The following OR4E2 variants were observed in gnomAD, a reference collection of about 807,000 sequenced individuals.
The protein encoded by OR4E2 is olfactory receptor 4E2.
Under a neutral mutation model 11.0 loss-of-function variants are expected in OR4E2, and 9 were observed. The ratio of observed to expected loss-of-function variants is 0.82; its 90% confidence interval spans 0.49 to 1.43. OR4E2 has a LOEUF of 1.43. OR4E2 is among the 40% of genes most tolerant of loss of function. OR4E2 has a pLI of 0.00. For synonymous variants in OR4E2, 159 were observed against 147.3 expected (o/e 1.08, Z -0.57); for missense variants, 441 against 382.0 (o/e 1.15, Z -1.29).
rs145243575 is a variant in OR4E2 at position 21,655,889 on chromosome 14, C to G, written c.-190-613C>G. Among the ~76,000 whole-genome samples, 84 of 152,004 alleles carry G rather than the reference C, an allele frequency of 5.5e-4. 1 individual carries two copies. The highest frequency in any genetic ancestry group is 1.8e-3 in the African/African-American group (76 of 41,422). ...TAATGGCAAGTAGACGTAGTTCTGT[C>G]TTAGTTGGCCTGACAAAAGTCAAAG... On this transcript the variant is annotated intron_variant, in intron 1 of 3. Coordinates refer to ENST00000641524, the MANE Select transcript of OR4E2 (RefSeq NM_001001912.3).
rs749057398 is a variant in OR4E2, at chr14:21,665,645, C to T, written c.563C>T (p.Ala188Val). ...FCDVPLVIKL[A>V]CTDTYLTGIL... ...GATGTGCCTCTTGTTATCAAGCTGGCCTGCACAGATACATACCTCACAGGA... is the reference window on the plus strand; with the variant it reads ...GATGTGCCTCTTGTTATCAAGCTGGTCTGCACAGATACATACCTCACAGGA... The change falls in exon 4 of 4, where the codon GCC (alanine) becomes GTC (valine). Residue 188 changes from alanine (A) to valine (V), a missense_variant. Coordinates refer to ENST00000641524, the MANE Select transcript of OR4E2 (RefSeq NM_001001912.3). 109 of 1,613,978 alleles carry T rather than the reference C, an allele frequency of 6.8e-5. No individual in the cohort carries two copies. Among genetic ancestry groups the T allele is most frequent in the Non-Finnish European group, 8.4e-5 (99 of 1,180,016 alleles).
intron 3 of OR4E2, among the ~76,000 whole-genome samples, 183 bp from the exon 4 acceptor site, chr14:21,664,892 G>C (rs1880541761): frequency 1.3e-5 from 2 of 152,300 alleles, no homozygotes; most frequent in African/African-American, 4.8e-5. Flanking sequence ...TGTTTAAATA[G>C]AAGTGCCTGG....
In OR4E2 at chr14:21,665,506, A is replaced by G. The variant is rs756429094; in HGVS notation, c.424A>G (p.Ile142Val). 1.9e-6 allele frequency: 3 copies of G among 1,614,056 alleles called. No individual in the cohort carries two copies. The highest frequency in any genetic ancestry group is 2.2e-5 in the South Asian group (2 of 91,078). Residue 142 changes from isoleucine (I) to valine (V), a missense_variant, in exon 4 of 4, where the codon ATA becomes GTA. Transcript: ENST00000641524. ...YPNVMNMRVC[I>V]QLVFALWLGG... is the part of the protein sequence containing the mutation. ...CAATGTGATGAACATGAGAGTCTGT[A>G]TACAGCTTGTCTTTGCTCTCTGGTT...
rs745789927 is a variant in OR4E2, at chr14:21,666,131, T to C, written c.*107T>C. 8.1e-6 allele frequency: 6 copies of C among 744,640 alleles called. 1 individual carries two copies. In the African/African-American group the frequency reaches 8.9e-5, roughly 11 times the overall value. The allele number at this position is 744,640 out of a possible 1,614,324, so 46.1% of individuals were successfully genotyped here. A position where few individuals can be genotyped will look rare whatever the true frequency, so the allele number is the denominator to read the frequency against. On this transcript the variant is annotated 3_prime_UTR_variant, in exon 4 of 4. Coordinates refer to ENST00000641524, the MANE Select transcript of OR4E2 (RefSeq NM_001001912.3). ...ACTTGGTAAATTAGGTAAAATGGCATAGAGCAGGTCAGATTTCTGCTCATT... is the reference window on the plus strand; with the variant it reads ...ACTTGGTAAATTAGGTAAAATGGCACAGAGCAGGTCAGATTTCTGCTCATT...
In OR4E2 at chr14:21,665,203, G is replaced by C; in HGVS notation, c.121G>C (p.Gly41Arg). ...AGCCATTTATATGCTAACGCTTTCG[G>C]GGAACATTCTCATCATCATTGCCAC... ...FSAIYMLTLS[G>R]NILIIIATVF... Residue 41 changes from glycine to arginine, a missense_variant, in exon 4 of 4, where the codon GGG becomes CGG. Physicochemically the swap from Gly to Arg is moderately radical, Grantham distance 125 (BLOSUM62 -2). Coordinates refer to ENST00000641524, the MANE Select transcript of OR4E2 (RefSeq NM_001001912.3). 1.9e-6 allele frequency: 3 copies of C among 1,613,904 alleles called. No individual in the cohort carries two copies. The highest frequency in any genetic ancestry group is 2.5e-6 in the Non-Finnish European group (3 of 1,179,896).
chr14:21,664,629 C>G (rs1880526141), intron 3 of OR4E2, among the ~76,000 whole-genome samples: 1 of 152,190 alleles, frequency 6.6e-6, no homozygotes, highest in South Asian at 2.1e-4. Flanking sequence ...AAAGGACACT[C>G]ACATTGAAAA....
chr14:21,656,375 CAT>C (rs768222511), intron 1 of OR4E2, 125 bp from the exon 2 acceptor site: 3 of 126,592 alleles, frequency 2.4e-5, no homozygotes, highest in Admixed American at 7.5e-5. Context: ...CACTCACACA[CAT>C]GTACACATAC....
In OR4E2 at chr14:21,667,401, T is replaced by C. The variant is rs755901030; in HGVS notation, c.*1377T>C. The C allele has an allele frequency of 6.6e-6, 1 of 152,170 alleles. No homozygotes were observed. The highest frequency in any genetic ancestry group is 1.5e-5 in the Non-Finnish European group (1 of 68,008). The allele number at this position is 152,170 out of a possible 1,614,324, so 9.4% of individuals were successfully genotyped here. A position where few individuals can be genotyped will look rare whatever the true frequency, so the allele number is the denominator to read the frequency against. On this transcript the variant is annotated 3_prime_UTR_variant, in exon 4 of 4. Coordinates refer to ENST00000641524, the MANE Select transcript of OR4E2 (RefSeq NM_001001912.3). The stretch of plus-strand genomic sequence containing the variant: ...ACTCTAACTAAAGAGTAATACATGA[T>C]TACCTTTTAGTAATCAAAAGGACAA...
chr14:21,661,215 C>G (rs1016566954), intron 3 of OR4E2, among the ~76,000 whole-genome samples: 1 of 151,986 alleles, frequency 6.6e-6, no homozygotes, highest in African/African-American at 2.4e-5. Flanking sequence ...GATGTGTGTT[C>G]GTCAACAACT....
Position 21,665,325 on chromosome 14 carries a change from G to T in OR4E2, c.243G>T (p.Met81Ile). The T allele has an allele frequency of 6.2e-7, 1 of 1,614,156 alleles. No individual in the cohort carries two copies. Among genetic ancestry groups the T allele is most frequent in the Non-Finnish European group, 8.5e-7 (1 of 1,180,024 alleles). The change falls in exon 4 of 4, where the codon ATG becomes ATT. Residue 81 changes from methionine (M) to isoleucine (I), a missense_variant. Transcript: ENST00000641524. ...ACTCATCTGTCACTGTGCCTAAGATGTTGGAGGGTTTGCTTTTAGAAAGAA... is the reference window on the plus strand; with the variant it reads ...ACTCATCTGTCACTGTGCCTAAGATTTTGGAGGGTTTGCTTTTAGAAAGAA... ...ICHSSVTVPK[M>I]LEGLLLERKT...
rs1433452617 is a variant in OR4E2 at position 21,667,244 on chromosome 14, CT to C, written c.*1223del. 1 of 152,204 alleles carries C rather than the reference CT, an allele frequency of 6.6e-6. No individual in the cohort carries two copies. The highest frequency in any genetic ancestry group is 2.4e-5 in the African/African-American group (1 of 41,520). 9.4% of individuals were successfully genotyped at this position (152,204 alleles called of 1,614,324 possible). ...AAAAAAATTTATAATTGATTGGGGT[CT>C]TTGTCACTATTTTCCACATGGTCTG... is the stretch of plus-strand genomic sequence containing the variant. On this transcript the variant is annotated 3_prime_UTR_variant, in exon 4 of 4. Coordinates refer to ENST00000641524, the MANE Select transcript of OR4E2 (RefSeq NM_001001912.3).
At chr14:21,662,379 C>T (rs189059051) in intron 3 of OR4E2, among the ~76,000 whole-genome samples, 1 of 152,258 alleles carries the variant, frequency 6.6e-6, no homozygotes, top group Non-Finnish European at 1.5e-5. Context: ...TCACTGCAGC[C>T]TCTGCCTCCC....
chr14:21,666,026 G>A lies in OR4E2; in HGVS notation c.*2G>A, dbSNP rs751426138. ...TTTTTCACGAAATCATATACATAAT[G>A]GGCACTGGGATTGCAGACATAATTG... On this transcript the variant is annotated 3_prime_UTR_variant, in exon 4 of 4. Coordinates refer to ENST00000641524, the MANE Select transcript of OR4E2 (RefSeq NM_001001912.3). The A allele has an allele frequency of 6.2e-7, 1 of 1,604,744 alleles. No homozygotes were observed. The highest frequency in any genetic ancestry group is 1.1e-5 in the South Asian group (1 of 90,022).
chr14:21,655,410 A>G (rs1354941837), intron 1 of OR4E2, among the ~76,000 whole-genome samples: 1 of 152,222 alleles, frequency 6.6e-6, no homozygotes, highest in East Asian at 1.9e-4. Flanking sequence ...CCAGCCTATA[A>G]TCCTGGCTAC....
intron 3 of OR4E2, among the ~76,000 whole-genome samples, chr14:21,663,519 A>G (rs1880455342): frequency 6.6e-6 from 1 of 152,062 alleles, no homozygotes; most frequent in Non-Finnish European, 1.5e-5. Flanking sequence ...GAGAGCAAAA[A>G]TGAACATCTT....
Position 21,666,253 on chromosome 14 carries a change from A to T in OR4E2, c.*229A>T, listed in dbSNP as rs188196386. The T allele has an allele frequency of 2.8e-5, 12 of 426,146 alleles. No individual in the cohort carries two copies. In the East Asian group the frequency reaches 3.4e-4, roughly 12 times the overall value. The allele number at this position is 426,146 out of a possible 1,614,324, so 26.4% of individuals were successfully genotyped here. A position where few individuals can be genotyped will look rare whatever the true frequency, so the allele number is the denominator to read the frequency against. On this transcript the variant is annotated 3_prime_UTR_variant, in exon 4 of 4. Coordinates refer to ENST00000641524, the MANE Select transcript of OR4E2 (RefSeq NM_001001912.3). ...ATAGTGGAAGTTATAAGGAAAAATA[A>T]CGTGGGAAAGTTTAAAGACAGCTTT...
At chr14:21,662,911 A>G (rs1880414289) in intron 3 of OR4E2, among the ~76,000 whole-genome samples, 2 of 152,190 alleles carry the variant, frequency 1.3e-5, no homozygotes, top group South Asian at 4.1e-4. Flanking sequence ...TGTGATAATT[A>G]TTTCCCAACG....
At chr14:21,654,530 G>T (rs1879834316) in intron 1 of OR4E2, among the ~76,000 whole-genome samples, 1 of 151,864 alleles carries the variant, frequency 6.6e-6, no homozygotes. Context: ...TGGGAGGATT[G>T]GTTTCCAGGA....
At position 21,661,293 on chromosome 14, in the gene OR4E2, T is replaced by G. The variant is rs115297536; in HGVS notation, c.-9+547T>G. Among the ~76,000 whole-genome samples, 69 of 152,320 alleles carry G rather than the reference T, an allele frequency of 4.5e-4. 1 individual carries two copies. The highest frequency in any genetic ancestry group is 1.5e-3 in the African/African-American group (63 of 41,558). On this transcript the variant is annotated intron_variant, in intron 3 of 3. Coordinates refer to ENST00000641524, the MANE Select transcript of OR4E2 (RefSeq NM_001001912.3). ...ATGAATATGTATATATGTTTGAATA[T>G]GTATAAATATTAATATGTTGAAGCA...
Sources: allele counts gnomAD v4.1 joint callset (sites outside exome capture counted in the v4.1 genomes callset), GRCh38; gene constraint gnomAD v4.1.1; transcripts MANE v1.5; gene names NCBI Gene and HGNC (gene_info 2026-07-23, HGNC 2026-07-21).